Variants in WWOX observed in about 807,000 individuals in gnomAD.
WWOX encodes WW domain containing oxidoreductase, also known as WW domain-containing oxidoreductase.
WWOX carries 69 observed loss-of-function variants against 46.2 expected under a neutral mutation model. The observed-to-expected ratio is 1.49, with a 90% confidence interval of 1.23 to 1.82. The LOEUF (loss-of-function observed/expected upper bound fraction) is 1.82, where lower values mean the gene tolerates loss of function less well. Among genes scored for constraint, WWOX ranks in the 40% most tolerant of loss-of-function variants. The probability of loss-of-function intolerance (pLI) is 0.00; values close to 1 mark genes in which losing one functional copy is unlikely to be tolerated. For missense variants in WWOX, 919 were observed against 542.6 expected (o/e 1.69, Z -6.89); for synonymous variants, 359 against 202.6 (o/e 1.77, Z -6.56).
At chr16:78,725,835 G>T (rs997316208) in intron 8 of WWOX, among the ~76,000 whole-genome samples, 1 of 151,946 alleles carries the variant, frequency 6.6e-6, no homozygotes, top group Non-Finnish European at 1.5e-5. Flanking sequence ...GTGTTCCTTG[G>T]CTTGTAGGTG....
At chr16:79,086,814 T>C (rs1597361993) in intron 8 of WWOX, among the ~76,000 whole-genome samples, 1 of 152,026 alleles carries the variant, frequency 6.6e-6, no homozygotes, top group South Asian at 2.1e-4. Context: ...CGCTGGGAGG[T>C]GAAGGATGCA....
Position 78,327,896 on chromosome 16 carries a change from T to TG in WWOX, c.517-58963dup, listed in dbSNP as rs1491154929. 4.7e-4 allele frequency among the ~76,000 whole-genome samples: 49 copies of TG among 105,162 alleles called. 1 individual carries two copies. Among genetic ancestry groups the TG allele is most frequent in the South Asian group, 3.4e-4 (1 of 2,934 alleles). The allele number at this position is 105,162 out of a possible 152,430, so 69.0% of individuals were successfully genotyped here. A position where few individuals can be genotyped will look rare whatever the true frequency, so the allele number is the denominator to read the frequency against. The stretch of plus-strand genomic sequence containing the variant: ...TTTTTTTTTTTTTTTTTTTTTTTTT[T>TG]GAGATGATCTTCTTCTGTTGCCCAG... On this transcript the variant is annotated intron_variant, in intron 5 of 8. Transcript: ENST00000566780.
At chr16:78,497,172 A>C (rs894248490) in intron 8 of WWOX, among the ~76,000 whole-genome samples, 1 of 152,232 alleles carries the variant, frequency 6.6e-6, no homozygotes, top group African/African-American at 2.4e-5. Context: ...TGGTGTTTGG[A>C]AAGACTCAAT....
intron 8 of WWOX, among the ~76,000 whole-genome samples, chr16:78,804,139 C>T (rs979037002): frequency 2.0e-5 from 3 of 152,154 alleles, no homozygotes; most frequent in East Asian, 1.9e-4. Flanking sequence ...AGCATGTGTC[C>T]TGTCGCTGTC....
chr16:78,853,779 C>A lies in WWOX; in HGVS notation c.1057-357829C>A, dbSNP rs57895849. 6.6e-5 allele frequency among the ~76,000 whole-genome samples: 10 copies of A among 152,170 alleles called. No individual in the cohort carries two copies. The South Asian group carries it at 2.1e-3, about 32-fold the overall frequency. On this transcript the variant is annotated intron_variant, in intron 8 of 8. Transcript: ENST00000566780. Reference sequence around the variant, plus strand: ...TATCTACATCCCAGGGAGGTTTTCACTGAACCAAGAGATGCCATAAGCAGT... The same window carrying A: ...TATCTACATCCCAGGGAGGTTTTCAATGAACCAAGAGATGCCATAAGCAGT...
chr16:78,845,674 G>C (rs756195458), intron 8 of WWOX, among the ~76,000 whole-genome samples: 6 of 152,166 alleles, frequency 3.9e-5, no homozygotes, highest in Admixed American at 2.0e-4. Flanking sequence ...GTAAGTAATG[G>C]ACAAGGTAAC....
intron 8 of WWOX, among the ~76,000 whole-genome samples, chr16:78,698,769 A>C (rs889366972): frequency 6.6e-6 from 1 of 152,162 alleles, no homozygotes; most frequent in Non-Finnish European, 1.5e-5. Context: ...TGAGGCCTGG[A>C]GATCAAGGCT....
chr16:78,324,200 C>T (rs1196577208), intron 5 of WWOX, among the ~76,000 whole-genome samples: 1 of 152,066 alleles, frequency 6.6e-6, no homozygotes, highest in Non-Finnish European at 1.5e-5. Flanking sequence ...CTGAGGTTTT[C>T]TGTTGGCAGT....
intron 8 of WWOX, among the ~76,000 whole-genome samples, chr16:79,006,129 G>A (rs571377205): frequency 1.1e-4 from 16 of 152,326 alleles, no homozygotes; most frequent in South Asian, 1.0e-3. Flanking sequence ...GCAGTGGCTG[G>A]CAACAAAGAC....
At chr16:78,714,933 A>G (rs1422214676) in intron 8 of WWOX, among the ~76,000 whole-genome samples, 1 of 152,176 alleles carries the variant, frequency 6.6e-6, no homozygotes, top group African/African-American at 2.4e-5. Flanking sequence ...ATGATAGATG[A>G]CGTGATTGTG....
At chr16:78,846,930 A>G (rs1458730802) in intron 8 of WWOX, among the ~76,000 whole-genome samples, 1 of 152,176 alleles carries the variant, frequency 6.6e-6, no homozygotes, top group African/African-American at 2.4e-5. Context: ...GTGAATATTT[A>G]GTTTATTCTG....
chr16:78,535,398 T>C (rs2043734168), intron 8 of WWOX: 1 of 152,220 alleles, frequency 6.6e-6, no homozygotes, highest in Non-Finnish European at 1.5e-5. Flanking sequence ...TACTGACTTT[T>C]ATTGTGTGGC....
chr16:78,462,898 T>C (rs1383148854), intron 8 of WWOX, among the ~76,000 whole-genome samples: 1 of 152,210 alleles, frequency 6.6e-6, no homozygotes, highest in Non-Finnish European at 1.5e-5. Context: ...CTGTTTCCCT[T>C]GGGCACGCTG....
At chr16:78,542,944 AGAG>A (rs1157850052) in intron 8 of WWOX, among the ~76,000 whole-genome samples, 3 of 152,208 alleles carry the variant, frequency 2.0e-5, no homozygotes, top group African/African-American at 4.8e-5. Context: ...TAGAAAAATG[AGAG>A]GAGGAGAGTA....
intron 8 of WWOX, among the ~76,000 whole-genome samples, chr16:79,029,582 T>C (rs979544432): frequency 2.0e-5 from 3 of 152,204 alleles, no homozygotes; most frequent in Non-Finnish European, 2.9e-5. Flanking sequence ...TGTTTTTCTA[T>C]ATCCTCCTCC....
rs1030035627 is a variant in WWOX, at chr16:78,389,357, G to A, written c.605+2409G>A. ...CCCCAGACATTCTTCTGGGCTCTGA[G>A]AAGAGAGTGGTGGCCCTGGAAGCCA... On this transcript the variant is annotated intron_variant, in intron 6 of 8. Coordinates refer to ENST00000566780, the MANE Select transcript of WWOX (RefSeq NM_016373.4). Among the ~76,000 whole-genome samples the A allele has an allele frequency of 3.9e-5, 6 of 152,326 alleles. No individual in the cohort carries two copies. The East Asian group carries it at 9.6e-4, about 24-fold the overall frequency.
chr16:78,490,541 C>T lies in WWOX; in HGVS notation c.1056+57789C>T, dbSNP rs138237825. ...GTTGTTTTCAATGCTGGGCTAGTTT[C>T]AGACTTCTGGCTTGTTGTGGGACGG... On this transcript the variant is annotated intron_variant, in intron 8 of 8. Coordinates refer to ENST00000566780, the MANE Select transcript of WWOX (RefSeq NM_016373.4). Among the ~76,000 whole-genome samples the T allele has an allele frequency of 6.7e-3, 1,014 of 152,248 alleles. 13 individuals carry two copies. Among genetic ancestry groups the T allele is most frequent in the African/African-American group, 0.023 (968 of 41,538 alleles).
At chr16:78,826,367 G>T (rs910643723) in intron 8 of WWOX, among the ~76,000 whole-genome samples, 2 of 152,204 alleles carry the variant, frequency 1.3e-5, no homozygotes, top group Non-Finnish European at 2.9e-5. Flanking sequence ...CAACAGAAAT[G>T]TATTCTCTCA....
At chr16:78,170,602 C>G (rs1432858484) in intron 5 of WWOX, among the ~76,000 whole-genome samples, 1 of 152,178 alleles carries the variant, frequency 6.6e-6, no homozygotes. Flanking sequence ...GTCTGGACTC[C>G]TACATTTTAA....
Sources: allele counts gnomAD v4.1 joint callset (sites outside exome capture counted in the v4.1 genomes callset), GRCh38; gene constraint gnomAD v4.1.1; transcripts MANE v1.5; gene names NCBI Gene and HGNC (gene_info 2026-07-23, HGNC 2026-07-21).